CDHR3: variants seen among roughly 807,000 people sequenced by gnomAD.
CDHR3 encodes the protein cadherin-related family member 3.
Under a neutral mutation model 86.6 loss-of-function variants are expected in CDHR3, and 79 were observed. The observed-to-expected ratio is 0.91, with a 90% CI of 0.76 to 1.10. CDHR3 has a LOEUF of 1.10. Ranked by LOEUF, CDHR3 falls within the 50% of genes least tolerant of loss-of-function variation. CDHR3 has a pLI of 0.00. For synonymous variants in CDHR3, 421 were observed against 402.4 expected, an observed-to-expected ratio of 1.05 and a Z score of -0.55; for missense variants, 1,081 against 1,077.6, an observed-to-expected ratio of 1.00 and a Z score of -0.04.
chr7:106,016,016 A>G lies in CDHR3; in HGVS notation c.1417A>G (p.Arg473Gly), dbSNP rs1835564713. Residue 473 changes from arginine (R) to glycine (G), a missense_variant, in exon 11 of 19, where the codon AGA becomes GGA. By Grantham distance (125) the Arg-to-Gly change is moderately radical (BLOSUM62 -2). Coordinates refer to ENST00000317716, the MANE Select transcript of CDHR3 (RefSeq NM_152750.5). ...RPSYVFDVSE[R>G]RPARTRVGQV... The stretch of plus-strand genomic sequence containing the variant: ...ATCCTATGTATTTGATGTGTCAGAA[A>G]GAAGGCCCGGTAAGTAACAGATAAG... 3 of 1,607,742 alleles carry G rather than the reference A, an allele frequency of 1.9e-6. No individual in the cohort carries two copies. Among genetic ancestry groups the G allele is most frequent in the South Asian group, 2.2e-5 (2 of 90,162 alleles).
At chr7:105,996,137 C>A in intron 5 of CDHR3, 113 bp from the exon 6 acceptor site, 1 of 622,810 alleles carries the variant, frequency 1.6e-6, no homozygotes. Flanking sequence ...AGAGGCTCAC[C>A]ACCAAAGGGG....
At chr7:106,019,081 C>T (rs1210288476) in intron 12 of CDHR3, among the ~76,000 whole-genome samples, 1 of 152,108 alleles carries the variant, frequency 6.6e-6, no homozygotes, top group East Asian at 1.9e-4. Context: ...AGTAAAAAAG[C>T]GTGAAGGCAA....
In CDHR3 at chr7:106,015,093, A is replaced by C. The variant is rs774496492; in HGVS notation, c.1225-18A>C. Reference sequence around the variant, plus strand: ...GATTGTTTAATCTGTATAATCTACTATCTCTGTTTTAATCTAGCTGATTGG... The same window carrying C: ...GATTGTTTAATCTGTATAATCTACTCTCTCTGTTTTAATCTAGCTGATTGG... On this transcript the variant is annotated intron_variant, in intron 9 of 18. Transcript: ENST00000317716. 6.4e-7 allele frequency: 1 copy of C among 1,563,724 alleles called. No individual in the cohort carries two copies.
In CDHR3 at chr7:106,032,522, A is replaced by G. The variant is rs746993178; in HGVS notation, c.2483A>G (p.Glu828Gly). The G allele has an allele frequency of 6.2e-7, 1 of 1,613,952 alleles. No individual in the cohort carries two copies. Among genetic ancestry groups the G allele is most frequent in the South Asian group, 1.1e-5 (1 of 91,068 alleles). Residue 828 changes from glutamate (E) to glycine (G), a missense_variant, in exon 19 of 19, where the codon GAA becomes GGA. By Grantham distance (98) the Glu-to-Gly change is moderately conservative. Coordinates refer to ENST00000317716, the MANE Select transcript of CDHR3 (RefSeq NM_152750.5). Reference protein sequence around the residue: ...GAAPRRVTAGEGMGSLRSANW... With the variant: ...GAAPRRVTAGGGMGSLRSANW... ...GCCCCACGCAGAGTCACTGCTGGGG[A>G]AGGGATGGGGTCACTGAGAAGTGCC...
intron 2 of CDHR3, among the ~76,000 whole-genome samples, chr7:105,977,597 T>C (rs1235600955): frequency 1.3e-5 from 2 of 152,190 alleles, no homozygotes; most frequent in Non-Finnish European, 1.5e-5. Flanking sequence ...ACTGATTGCT[T>C]CTCCCCAGAA....
At chr7:106,022,530 A>G (rs1585826921) in intron 14 of CDHR3, 82 bp downstream of exon 14, 29 of 1,547,058 alleles carry the variant, frequency 1.9e-5, no homozygotes, top group Non-Finnish European at 2.5e-5. Context: ...GCCTGGAGGT[A>G]TGTGGGGTGG....
intron 6 of CDHR3, among the ~76,000 whole-genome samples, chr7:105,998,525 C>G (rs1031588959): frequency 6.6e-5 from 10 of 152,290 alleles, no homozygotes; most frequent in South Asian, 6.2e-4. Context: ...GGTGCAGTGG[C>G]TCACGCCTGT....
Position 106,012,925 on chromosome 7 carries a change from A to G in CDHR3, c.1118A>G (p.Asp373Gly), listed in dbSNP as rs1835039624. Reference sequence around the variant, plus strand: ...CTTGACCTAAACAAGTTCTGCTTTGATGATGACAGTGAGGCACCAAACAAC... The same window carrying G: ...CTTGACCTAAACAAGTTCTGCTTTGGTGATGACAGTGAGGCACCAAACAAC... ...LLLDLNKFCF[D>G]DDSEAPNNRF... is the part of the protein sequence containing the mutation. Residue 373 changes from aspartate (D) to glycine (G), a missense_variant, in exon 9 of 19, where the codon GAT becomes GGT. Transcript: ENST00000317716. 1 of 1,613,714 alleles carries G rather than the reference A, an allele frequency of 6.2e-7. No individual in the cohort carries two copies.
chr7:105,969,699 ACAG>A (rs1424115880), intron 1 of CDHR3, among the ~76,000 whole-genome samples: 1 of 152,226 alleles, frequency 6.6e-6, no homozygotes, highest in East Asian at 1.9e-4. Context: ...AGAAAAGACA[ACAG>A]TAAGAGCCTA....
chr7:106,024,271 T>C (rs1837018175), intron 14 of CDHR3, 110 bp from the exon 15 acceptor site: 2 of 923,058 alleles, frequency 2.2e-6, no homozygotes, highest in Non-Finnish European at 3.3e-6. Context: ...GTCCAACTTA[T>C]AGAGCAATAA....
intron 4 of CDHR3, among the ~76,000 whole-genome samples, chr7:105,985,189 T>C (rs1389632125): frequency 6.6e-6 from 1 of 152,188 alleles, no homozygotes; most frequent in Non-Finnish European, 1.5e-5. Context: ...TAATCAGTTT[T>C]CTTAATGTAG....
At position 106,017,564 on chromosome 7, in the gene CDHR3, G is replaced by GACACACAC. The variant is rs539661927; in HGVS notation, c.1427-244_1427-237dup. The stretch of plus-strand genomic sequence containing the variant: ...ACAGAGTGAGACTCCGTCACACACA[G>GACACACAC]ACACACACACACACACACACACACA... On this transcript the variant is annotated intron_variant, in intron 11 of 18. Coordinates refer to ENST00000317716, the MANE Select transcript of CDHR3 (RefSeq NM_152750.5). Among the ~76,000 whole-genome samples, 1,173 of 130,622 alleles carry GACACACAC rather than the reference G, an allele frequency of 9.0e-3. 22 individuals are homozygous for GACACACAC. The highest frequency in any genetic ancestry group is 0.021 in the East Asian group (94 of 4,438). The allele number at this position is 130,622 out of a possible 152,430, so 85.7% of individuals were successfully genotyped here. A position where few individuals can be genotyped will look rare whatever the true frequency, so the allele number is the denominator to read the frequency against.
chr7:105,964,239 G>A (rs963345851), intron 1 of CDHR3, among the ~76,000 whole-genome samples: 9 of 152,124 alleles, frequency 5.9e-5, no homozygotes, highest in Admixed American at 2.6e-4. Context: ...TCTTATTATG[G>A]TTATTTCTAG....
chr7:106,009,475 C>T (rs186332307), intron 8 of CDHR3, among the ~76,000 whole-genome samples: 71 of 152,362 alleles, frequency 4.7e-4, no homozygotes, highest in African/African-American at 1.6e-3. Flanking sequence ...GTGACAATGG[C>T]ATGGTTCTGC....
At chr7:105,998,633 A>G (rs540398567) in intron 6 of CDHR3, among the ~76,000 whole-genome samples, 1 of 152,266 alleles carries the variant, frequency 6.6e-6, no homozygotes, top group Admixed American at 6.5e-5. Context: ...TTCTACTAAA[A>G]GTACCAAAGT....
At chr7:106,012,353 T>G (rs1210695018) in intron 8 of CDHR3, among the ~76,000 whole-genome samples, 1 of 151,320 alleles carries the variant, frequency 6.6e-6, no homozygotes, top group Non-Finnish European at 1.5e-5. Flanking sequence ...TAAGGTGACA[T>G]TTGATTAGAT....
At chr7:105,999,203 G>A (rs868866808) in intron 6 of CDHR3, among the ~76,000 whole-genome samples, 4 of 152,350 alleles carry the variant, frequency 2.6e-5, no homozygotes, top group East Asian at 1.9e-4. Flanking sequence ...TGTGGTCTCC[G>A]TTGAATGATA....
At position 106,034,618 on chromosome 7, in the gene CDHR3, T is replaced by C. The variant is rs1838760059; in HGVS notation, c.*1921T>C. Among the ~76,000 whole-genome samples the C allele has an allele frequency of 6.6e-6, 1 of 152,256 alleles. No homozygotes were observed. The highest frequency in any genetic ancestry group is 6.5e-5 in the Admixed American group (1 of 15,288). On this transcript the variant is annotated 3_prime_UTR_variant, in exon 19 of 19. Coordinates refer to ENST00000317716, the MANE Select transcript of CDHR3 (RefSeq NM_152750.5). ...AAAAGAAGGCAGAACTGTTCATTTA[T>C]GCAGGTTAAAGTGAGTGAAGTGGCT...
chr7:106,023,581 C>T (rs527239959), intron 14 of CDHR3, among the ~76,000 whole-genome samples: 9 of 152,284 alleles, frequency 5.9e-5, no homozygotes, highest in Non-Finnish European at 8.8e-5. Flanking sequence ...GTAGAAGCTG[C>T]ACCCCTGGTC....
Sources: gnomAD v4.1 joint callset for allele counts (sites outside exome capture counted in the v4.1 genomes callset) on GRCh38, gnomAD v4.1.1 for gene constraint, MANE v1.5 for transcripts, NCBI Gene and HGNC (gene_info 2026-07-23, HGNC 2026-07-21) for gene names.